Variants in ATP8B2 observed in about 807,000 individuals in gnomAD.
ATP8B2 encodes ATPase phospholipid transporting 8B2.
In ATP8B2, 70 loss-of-function variants were observed where a neutral mutation model predicts 133.4. The ratio of observed to expected loss-of-function variants is 0.52; its 90% CI spans 0.43 to 0.64. ATP8B2 has a LOEUF of 0.64. ATP8B2 is among the 30% of genes least tolerant of loss of function. ATP8B2 has a pLI of 0.00. For missense variants in ATP8B2, 1,101 were observed against 1,535.7 expected, an observed-to-expected ratio of 0.72 and a Z score of 4.73; for synonymous variants, 517 against 589.5, an observed-to-expected ratio of 0.88 and a Z score of 1.78.
At chr1:154,329,245 G>A (rs561558328) in intron 2 of ATP8B2, among the ~76,000 whole-genome samples, 1 of 152,316 alleles carries the variant, frequency 6.6e-6, no homozygotes, top group South Asian at 2.1e-4. Context: ...CATGGTCTTT[G>A]GTGATTGCGC....
In ATP8B2 at chr1:154,349,997, A is replaced by G. The variant is rs17699328; in HGVS notation, c.*879A>G. Reference sequence around the variant, plus strand: ...TGGAGCCTAGGAAAGTGGCCCCCAAATCCTTAGTGAGCTAAAGCTGGGTCT... The same window carrying G: ...TGGAGCCTAGGAAAGTGGCCCCCAAGTCCTTAGTGAGCTAAAGCTGGGTCT... On this transcript the variant is annotated 3_prime_UTR_variant, in exon 28 of 28. Transcript: ENST00000368489. 0.12 allele frequency: 19,007 copies of G among 152,136 alleles called. 1,270 individuals carry two copies. Among genetic ancestry groups the G allele is most frequent in the Middle Eastern group, 0.18 (54 of 294 alleles). The allele number at this position is 152,136 out of a possible 1,614,324, so 9.4% of individuals were successfully genotyped here. A position where few individuals can be genotyped will look rare whatever the true frequency, so the allele number is the denominator to read the frequency against.
At position 154,328,046 on chromosome 1, in the gene ATP8B2, G is replaced by T; in HGVS notation, c.-37-59G>T. On this transcript the variant is annotated intron_variant, in intron 1 of 27. Transcript: ENST00000368489. This position sits in a 1 kb window ranked among gnomAD's most constrained non-coding sequence, Gnocchi z 4.6. ...AGAGGGTCTTCAAAAGAGGTCTCAT[G>T]AGGGGAGGGAAGGGTTATCCTCAGC... The T allele has an allele frequency of 1.3e-6, 2 of 1,572,706 alleles. No individual in the cohort carries two copies. The highest frequency in any genetic ancestry group is 1.8e-6 in the Non-Finnish European group (2 of 1,142,440).
chr1:154,339,756 A>C (rs1326666067), intron 12 of ATP8B2, among the ~76,000 whole-genome samples: 1 of 152,180 alleles, frequency 6.6e-6, no homozygotes. Context: ...TGCCTTAGTC[A>C]GGTGGGAAGC....
chr1:154,343,161 C>T lies in ATP8B2; in HGVS notation c.1502C>T (p.Thr501Ile). The T allele has an allele frequency of 1.2e-6, 2 of 1,614,140 alleles. No homozygotes were observed. Among genetic ancestry groups the T allele is most frequent in the Non-Finnish European group, 1.7e-6 (2 of 1,180,034 alleles). Reference sequence around the variant, plus strand: ...TCCCCAGATGAGGGGGCCCTGGTCACCGCAGCCAGGAACTTTGGTTTTGTT... The same window carrying T: ...TCCCCAGATGAGGGGGCCCTGGTCATCGCAGCCAGGAACTTTGGTTTTGTT... ...AQSPDEGALV[T>I]AARNFGFVFR... is the part of the protein sequence containing the mutation. Residue 501 changes from threonine (T) to isoleucine (I), a missense_variant, in exon 16 of 28, where the codon ACC (threonine) becomes ATC (isoleucine). By Grantham distance (89) the Thr-to-Ile change is moderately conservative. Coordinates refer to ENST00000368489, the MANE Select transcript of ATP8B2 (RefSeq NM_001370597.1). The surrounding 1 kb of genome is among the most constrained non-coding windows in gnomAD (Gnocchi z 5.8).
rs201570270 is a variant in ATP8B2, at chr1:154,328,064, T to C, written c.-37-41T>C. On this transcript the variant is annotated intron_variant, in intron 1 of 27. Transcript: ENST00000368489. The surrounding 1 kb of genome is among the most constrained non-coding windows in gnomAD (Gnocchi z 4.6). ...GTCTCATGAGGGGAGGGAAGGGTTA[T>C]CCTCAGCTTCCTGACCTCATTCGTC... 1.3e-4 allele frequency: 201 copies of C among 1,596,534 alleles called. No homozygotes were observed. In the East Asian group the frequency reaches 4.3e-3, roughly 34 times the overall value.
chr1:154,348,689 G>A, intron 27 of ATP8B2, 151 bp downstream of exon 27: 1 of 1,390,666 alleles, frequency 7.2e-7, no homozygotes, highest in Non-Finnish European at 9.6e-7. Flanking sequence ...TGTGCAGCTG[G>A]CCACAGAGGC....
At position 154,343,005 on chromosome 1, in the gene ATP8B2, C is replaced by T; in HGVS notation, c.1453+44C>T. 1 of 1,607,192 alleles carries T rather than the reference C, an allele frequency of 6.2e-7. No homozygotes were observed. Among genetic ancestry groups the T allele is most frequent in the Admixed American group, 1.7e-5 (1 of 59,510 alleles). On this transcript the variant is annotated intron_variant, in intron 15 of 27. Coordinates refer to ENST00000368489, the MANE Select transcript of ATP8B2 (RefSeq NM_001370597.1). The surrounding 1 kb of genome is among the most constrained non-coding windows in gnomAD (Gnocchi z 5.8). ...TCGCACTCTCCTGACCTGACTCTGCCCTTGGGCTCTGCTCTGCTCTGCAAT... is the reference window on the plus strand; with the variant it reads ...TCGCACTCTCCTGACCTGACTCTGCTCTTGGGCTCTGCTCTGCTCTGCAAT...
In ATP8B2 at chr1:154,331,104, T is replaced by C. The variant is rs1456000241; in HGVS notation, c.261T>C (p.Leu87=). The C allele has an allele frequency of 5.0e-6, 8 of 1,614,080 alleles. No individual in the cohort carries two copies. Among genetic ancestry groups the C allele is most frequent in the Non-Finnish European group, 5.9e-6 (7 of 1,180,018 alleles). ...TCACCACCATTGTGCCTTTGGTTCTTGTCCTCACCATCACAGCTGTTAAAG... is the reference window on the plus strand; with the variant it reads ...TCACCACCATTGTGCCTTTGGTTCTCGTCCTCACCATCACAGCTGTTAAAG... The part of the protein sequence containing the change: ...SWFTTIVPLV[L]VLTITAVKDA... The change falls in exon 5 of 28, where the codon CTT becomes CTC. Residue 87 remains leucine (L), a synonymous_variant. Coordinates refer to ENST00000368489, the MANE Select transcript of ATP8B2 (RefSeq NM_001370597.1). The surrounding 1 kb of genome is among the most constrained non-coding windows in gnomAD (Gnocchi z 4.8).
In ATP8B2 at chr1:154,349,582, G is replaced by A. The variant is rs1364791314; in HGVS notation, c.*464G>A. The A allele has an allele frequency of 6.1e-5, 10 of 164,886 alleles. No individual in the cohort carries two copies. Among genetic ancestry groups the A allele is most frequent in the African/African-American group, 1.9e-4 (8 of 41,962 alleles). 10.2% of individuals were successfully genotyped at this position (164,886 alleles called of 1,614,324 possible). On this transcript the variant is annotated 3_prime_UTR_variant, in exon 28 of 28. Transcript: ENST00000368489. ...CAGGGGCCTCGGCCCCTCACATCGT[G>A]TATGTCTCTCCTTGATTTGTGTTGT...
At chr1:154,337,912 C>A in intron 12 of ATP8B2, 2 of 550,836 alleles carry the variant, frequency 3.6e-6, no homozygotes, top group Non-Finnish European at 5.9e-6. Context: ...CATTATAAAA[C>A]AAAATAGGAA....
rs531431430 is a variant in ATP8B2 at position 154,349,230 on chromosome 1, C to G, written c.*112C>G. The G allele has an allele frequency of 2.4e-5, 32 of 1,356,638 alleles. No homozygotes were observed. In the Admixed American group the frequency reaches 5.4e-4, roughly 23 times the overall value. 84.0% of individuals were successfully genotyped at this position (1,356,638 alleles called of 1,614,324 possible). A position where few individuals can be genotyped will look rare whatever the true frequency, so the allele number is the denominator to read the frequency against. On this transcript the variant is annotated 3_prime_UTR_variant, in exon 28 of 28. Coordinates refer to ENST00000368489, the MANE Select transcript of ATP8B2 (RefSeq NM_001370597.1). ...CCTCATTCCTTGCTTCCCGTCCCCC[C>G]GGTAGACTCTGTCCTGCTGGTCCCA... is the stretch of plus-strand genomic sequence containing the variant.
Position 154,331,514 on chromosome 1 carries a change from C to T in ATP8B2, c.365+9C>T, listed in dbSNP as rs1159017513. On this transcript the variant is annotated intron_variant, in intron 6 of 27. Coordinates refer to ENST00000368489, the MANE Select transcript of ATP8B2 (RefSeq NM_001370597.1). This position sits in a 1 kb window ranked among gnomAD's most constrained non-coding sequence, Gnocchi z 4.8. ...GTGCTGATCAATGGAATGTGAGTGCCTGTTGGAGACAAGAGCTCTGGGGAC... is the reference window on the plus strand; with the variant it reads ...GTGCTGATCAATGGAATGTGAGTGCTTGTTGGAGACAAGAGCTCTGGGGAC... 22 of 1,613,942 alleles carry T rather than the reference C, an allele frequency of 1.4e-5. No homozygotes were observed. The highest frequency in any genetic ancestry group is 1.8e-5 in the Non-Finnish European group (21 of 1,179,962).
In ATP8B2 at chr1:154,345,889, G is replaced by A. The variant is rs776513521; in HGVS notation, c.2778+6G>A. The A allele has an allele frequency of 6.2e-7, 1 of 1,603,606 alleles. No individual in the cohort carries two copies. The highest frequency in any genetic ancestry group is 8.5e-7 in the Non-Finnish European group (1 of 1,170,476). ...CTATGGGGGTCTTTGATCAGGTATG[G>A]GGGAGTTTGATGATCAGATGGGATG... On this transcript the variant is annotated splice_donor_region_variant and intron_variant, in intron 24 of 27. Transcript: ENST00000368489. This position sits in a 1 kb window ranked among gnomAD's most constrained non-coding sequence, Gnocchi z 5.6.
intron 1 of ATP8B2, among the ~76,000 whole-genome samples, chr1:154,326,845 C>T (rs1209641101): frequency 6.6e-6 from 1 of 152,242 alleles, no homozygotes; most frequent in Non-Finnish European, 1.5e-5. Context: ...TAACCTCTCC[C>T]TGTGCTCCCC....
rs1407608232 is a variant in ATP8B2 at position 154,331,843 on chromosome 1, A to G, written c.439-111A>G. The G allele has an allele frequency of 7.5e-6, 10 of 1,327,960 alleles. No individual in the cohort carries two copies. The African/African-American group carries it at 1.3e-4, about 17-fold the overall frequency. 82.3% of individuals were successfully genotyped at this position (1,327,960 alleles called of 1,614,324 possible). The stretch of plus-strand genomic sequence containing the variant: ...CTGATATGCCTGGAACTAGCCATTT[A>G]TGCACCTGGAACTAAGCAAACCAAG... On this transcript the variant is annotated intron_variant, in intron 7 of 27. Transcript: ENST00000368489. The surrounding 1 kb of genome is among the most constrained non-coding windows in gnomAD (Gnocchi z 4.8).
rs1016763080 is a variant in ATP8B2, at chr1:154,343,055, C to T, written c.1454-58C>T. The T allele has an allele frequency of 1.1e-5, 17 of 1,593,534 alleles. No individual in the cohort carries two copies. The Admixed American group carries it at 1.2e-4, about 11-fold the overall frequency. ...TGCGGCTGGGCTGGGGCTTCCTGGG[C>T]GGGGCACGTGGCTGAGGGAAGCCAC... On this transcript the variant is annotated intron_variant, in intron 15 of 27. Coordinates refer to ENST00000368489, the MANE Select transcript of ATP8B2 (RefSeq NM_001370597.1). This position sits in a 1 kb window ranked among gnomAD's most constrained non-coding sequence, Gnocchi z 5.8.
At chr1:154,329,052 G>A (rs1313665324) in intron 2 of ATP8B2, 8 of 1,303,002 alleles carry the variant, frequency 6.1e-6, no homozygotes, top group Non-Finnish European at 7.1e-6. Context: ...TCTTGGAGCC[G>A]AAAGAAGCCC....
intron 11 of ATP8B2, among the ~76,000 whole-genome samples, chr1:154,336,282 A>C (rs1051040132): frequency 2.0e-5 from 3 of 152,164 alleles, no homozygotes; most frequent in African/African-American, 7.2e-5. Flanking sequence ...ATGGTCAGAC[A>C]GAAGGCCACA....
rs568087187 is a variant in ATP8B2 at position 154,335,215 on chromosome 1, G to A, written c.837+624G>A. Among the ~76,000 whole-genome samples the A allele has an allele frequency of 5.9e-5, 9 of 152,276 alleles. No homozygotes were observed. In the South Asian group the frequency reaches 1.9e-3, roughly 32 times the overall value. ...TGTGCGGAAACCCAGCCTGGTGGGC[G>A]AGGTTGTCTATCACATAAGGGCTCC... On this transcript the variant is annotated intron_variant, in intron 11 of 27. Coordinates refer to ENST00000368489, the MANE Select transcript of ATP8B2 (RefSeq NM_001370597.1).
Sources: gnomAD v4.1 joint callset for allele counts (sites outside exome capture counted in the v4.1 genomes callset) on GRCh38, gnomAD v4.1.1 for gene constraint, Gnocchi (gnomAD v3.1) non-coding constraint, MANE v1.5 for transcripts, NCBI Gene and HGNC (gene_info 2026-07-23, HGNC 2026-07-21) for gene names.